DPP4: variants seen among roughly 807,000 people sequenced by gnomAD.
The protein encoded by DPP4 is dipeptidyl peptidase 4.
In DPP4, 93 loss-of-function variants were observed where a neutral mutation model predicts 122.4. That is an observed-to-expected ratio of 0.76 (90% CI 0.64 to 0.90). DPP4 has a LOEUF of 0.90. Ranked by LOEUF, DPP4 falls within the 40% of genes least tolerant of loss-of-function variation. The pLI is 0.00. For missense variants in DPP4, 914 were observed against 907.3 expected (o/e 1.01, Z -0.09); for synonymous variants, 321 against 302.9 (o/e 1.06, Z -0.62).
At chr2:162,052,506 C>T (rs2106142142) in intron 2 of DPP4, among the ~76,000 whole-genome samples, 1 of 152,162 alleles carries the variant, frequency 6.6e-6, no homozygotes, top group African/African-American at 2.4e-5. Context: ...GCCTCCAGAA[C>T]TGTGAGAAAT....
chr2:162,030,581 C>T (rs1417933085), intron 10 of DPP4, among the ~76,000 whole-genome samples: 1 of 152,196 alleles, frequency 6.6e-6, no homozygotes, highest in Non-Finnish European at 1.5e-5. Flanking sequence ...AGGCGTAACT[C>T]ACCTGGTTTT....
At chr2:162,007,064 T>C (rs1701300257) in intron 22 of DPP4, among the ~76,000 whole-genome samples, 1 of 152,084 alleles carries the variant, frequency 6.6e-6, no homozygotes, top group African/African-American at 2.4e-5. Context: ...TCCTCCAAAA[T>C]TACTAACAGT....
intron 18 of DPP4, among the ~76,000 whole-genome samples, chr2:162,015,497 G>A (rs954997264): frequency 1.3e-5 from 2 of 152,018 alleles, no homozygotes; most frequent in African/African-American, 4.8e-5. Flanking sequence ...CCCATCATTT[G>A]ATCTCTGCTT....
intron 2 of DPP4, among the ~76,000 whole-genome samples, chr2:162,060,905 C>T (rs1684747321): frequency 6.7e-6 from 1 of 149,130 alleles, no homozygotes; most frequent in Non-Finnish European, 1.5e-5. Flanking sequence ...TTCCTCCTCC[C>T]TCCCTCCCTC....
rs201691081 is a variant in DPP4 at position 162,011,952 on chromosome 2, A to G, written c.1673T>C (p.Val558Ala). 22 of 1,613,576 alleles carry G rather than the reference A, an allele frequency of 1.4e-5. No homozygotes were observed. The highest frequency in any genetic ancestry group is 1.8e-5 in the Non-Finnish European group (21 of 1,179,692). ...GTAAGTGGCCCAGTTCAGTCTGAAGACAGTGTCTGCTTTTTGACTACATGG... is the reference window on the plus strand; with the variant it reads ...GTAAGTGGCCCAGTTCAGTCTGAAGGCAGTGTCTGCTTTTTGACTACATGG... ...AGPCSQKADTVFRLNWATYLA... is the reference protein window; with the variant it reads ...AGPCSQKADTAFRLNWATYLA... Residue 558 changes from valine (V) to alanine (A), a missense_variant, in exon 20 of 26, where the codon GTC (valine) becomes GCC (alanine). Coordinates refer to ENST00000360534, the MANE Select transcript of DPP4 (RefSeq NM_001935.4).
Position 162,046,972 on chromosome 2 carries a change from G to T in DPP4, c.228C>A (p.Ile76=), listed in dbSNP as rs145554034. Reference sequence around the variant, plus strand: ...TTCCATATTCAGCATTGAATACCAAGATATTATTTTCTTGTTTGTAGAGAT... The same window carrying T: ...TTCCATATTCAGCATTGAATACCAATATATTATTTTCTTGTTTGTAGAGAT... ...HEYLYKQENN[I]LVFNAEYGNS... is the part of the protein sequence containing the mutation. The change falls in exon 4 of 26, where the codon ATC becomes ATA. Residue 76 remains isoleucine, a synonymous_variant. Transcript: ENST00000360534. 156 of 1,597,492 alleles carry T rather than the reference G, an allele frequency of 9.8e-5. No individual in the cohort carries two copies. In the African/African-American group the frequency reaches 1.8e-3, roughly 18 times the overall value.
chr2:162,074,010 C>T lies in DPP4; in HGVS notation c.-29G>A. On this transcript the variant is annotated 5_prime_UTR_variant, in exon 1 of 26. Coordinates refer to ENST00000360534, the MANE Select transcript of DPP4 (RefSeq NM_001935.4). Reference sequence around the variant, plus strand: ...CGGCGTCTCCTCGGAAGTGAGCGTTCAGAGAAGGAGCGCAGGCAGAAGTCA... The same window carrying T: ...CGGCGTCTCCTCGGAAGTGAGCGTTTAGAGAAGGAGCGCAGGCAGAAGTCA... 6 of 1,609,986 alleles carry T rather than the reference C, an allele frequency of 3.7e-6. No individual in the cohort carries two copies. Among genetic ancestry groups the T allele is most frequent in the Non-Finnish European group, 5.1e-6 (6 of 1,178,348 alleles).
At chr2:162,051,353 A>G (rs908260942) in intron 2 of DPP4, among the ~76,000 whole-genome samples, 10 of 152,226 alleles carry the variant, frequency 6.6e-5, no homozygotes, top group Admixed American at 5.9e-4. Context: ...TTGCTTCTGT[A>G]TGATTACAAG....
intron 2 of DPP4, among the ~76,000 whole-genome samples, chr2:162,059,927 T>C (rs1228139298): frequency 6.6e-6 from 1 of 152,244 alleles, no homozygotes; most frequent in African/African-American, 2.4e-5. Flanking sequence ...TGCTGGGTTG[T>C]TCTAGGCAAT....
intron 16 of DPP4, chr2:162,017,448 T>G (rs1438549949): frequency 2.9e-6 from 1 of 348,912 alleles, no homozygotes; most frequent in African/African-American, 2.1e-5. Context: ...TCTCTGAACT[T>G]AATATACTCA....
At chr2:162,003,235 A>G (rs978237728) in intron 23 of DPP4, among the ~76,000 whole-genome samples, 3 of 152,130 alleles carry the variant, frequency 2.0e-5, no homozygotes, top group Admixed American at 6.5e-5. Flanking sequence ...TTCTATTTAC[A>G]TGACTATCTC....
chr2:162,047,496 C>T lies in DPP4; in HGVS notation c.100G>A (p.Asp34Asn). 6.4e-7 allele frequency: 1 copy of T among 1,566,088 alleles called. No homozygotes were observed. Among genetic ancestry groups the T allele is most frequent in the Non-Finnish European group, 8.7e-7 (1 of 1,149,282 alleles). Reference protein sequence around the residue: ...PVVLLNKGTDDATADSRKTYT... With the variant: ...PVVLLNKGTDNATADSRKTYT... ...GTTTTGCGACTGTCAGCTGTAGCATCATCTGCTGGTTGAAAGAAAGAGCCA... is the reference window on the plus strand; with the variant it reads ...GTTTTGCGACTGTCAGCTGTAGCATTATCTGCTGGTTGAAAGAAAGAGCCA... Residue 34 changes from aspartate to asparagine, a missense_variant, in exon 3 of 26, where the codon GAT becomes AAT. Physicochemically the swap from Asp to Asn is conservative, Grantham distance 23 (BLOSUM62 1). Transcript: ENST00000360534.
intron 7 of DPP4, 86 bp downstream of exon 7, chr2:162,038,863 A>T: frequency 8.5e-7 from 1 of 1,170,422 alleles, no homozygotes; most frequent in East Asian, 2.3e-5. Flanking sequence ...AGTTCCTAAG[A>T]TGTCTGCTTT....
At chr2:162,006,292 G>A (rs1417175209) in intron 22 of DPP4, among the ~76,000 whole-genome samples, 1 of 152,128 alleles carries the variant, frequency 6.6e-6, no homozygotes, top group Admixed American at 6.5e-5. Context: ...ATACAAGTAT[G>A]TGCCCTGATT....
chr2:162,047,562 TA>T, intron 2 of DPP4, 61 bp from the exon 3 acceptor site: 1 of 1,196,286 alleles, frequency 8.4e-7, no homozygotes, highest in Non-Finnish European at 1.2e-6. Flanking sequence ...AAGTTTTGGA[TA>T]AAATAAACAA....
chr2:162,059,383 C>A (rs182332004), intron 2 of DPP4, among the ~76,000 whole-genome samples: 1 of 152,112 alleles, frequency 6.6e-6, no homozygotes, highest in Non-Finnish European at 1.5e-5. Context: ...GGCATTAGGC[C>A]GTGAAATCCG....
chr2:162,010,355 A>G (rs1203501782), intron 20 of DPP4, among the ~76,000 whole-genome samples: 2 of 152,206 alleles, frequency 1.3e-5, no homozygotes, highest in East Asian at 3.8e-4. Flanking sequence ...TGAATTCCAT[A>G]AAAATTTCAC....
intron 2 of DPP4, among the ~76,000 whole-genome samples, chr2:162,052,114 T>C (rs1684402979): frequency 6.6e-6 from 1 of 151,204 alleles, no homozygotes; most frequent in African/African-American, 2.4e-5. Flanking sequence ...AGGTTGGGAG[T>C]TCGAGACCAG....
At chr2:161,997,826 T>G (rs2106071363) in intron 23 of DPP4, among the ~76,000 whole-genome samples, 1 of 152,258 alleles carries the variant, frequency 6.6e-6, no homozygotes, top group Middle Eastern at 3.4e-3. Flanking sequence ...ACTCAGAAGG[T>G]GAGTAACCTG....
Sources: allele counts gnomAD v4.1 joint callset (sites outside exome capture counted in the v4.1 genomes callset), GRCh38; gene constraint gnomAD v4.1.1; transcripts MANE v1.5; gene names NCBI Gene and HGNC (gene_info 2026-07-23, HGNC 2026-07-21).